Variants in FBXL2 observed in about 807,000 individuals in gnomAD.
FBXL2 encodes the protein F-box/LRR-repeat protein 2.
FBXL2 carries 38 observed loss-of-function variants against 69.2 expected under a neutral mutation model. That is an observed-to-expected ratio of 0.55 (90% CI 0.42 to 0.72). FBXL2 has a LOEUF of 0.72. Among genes scored for constraint, FBXL2 ranks in the 30% least tolerant of loss-of-function variants. FBXL2 has a pLI of 0.00. For synonymous variants in FBXL2, 192 were observed against 201.3 expected (o/e 0.95, Z 0.39); for missense variants, 354 against 520.3 (o/e 0.68, Z 3.11).
intron 10 of FBXL2, 32 bp from the exon 11 acceptor site, chr3:33,377,239 ACC>A: frequency 6.3e-7 from 1 of 1,595,386 alleles, no homozygotes; most frequent in Non-Finnish European, 8.6e-7. Context: ...ACTAGTTGGT[ACC>A]GTTTTCTCCC....
intron 2 of FBXL2, among the ~76,000 whole-genome samples, chr3:33,334,999 G>A (rs1057501333): frequency 6.6e-6 from 1 of 152,010 alleles, no homozygotes; most frequent in African/African-American, 2.4e-5. Context: ...TACCTGGGAG[G>A]CTGAGGCGGG....
chr3:33,381,412 A>C (rs2043049838), intron 13 of FBXL2, among the ~76,000 whole-genome samples: 1 of 152,228 alleles, frequency 6.6e-6, no homozygotes, highest in Non-Finnish European at 1.5e-5. Flanking sequence ...TGGGAGGCCA[A>C]GGCGGGTGGA....
intron 2 of FBXL2, among the ~76,000 whole-genome samples, chr3:33,354,419 C>G (rs1424226876): frequency 6.6e-6 from 1 of 151,588 alleles, no homozygotes; most frequent in Non-Finnish European, 1.5e-5. Flanking sequence ...GAGGCTGAGA[C>G]AGGAGAATTG....
At chr3:33,357,674 T>C (rs1307100348) in intron 2 of FBXL2, among the ~76,000 whole-genome samples, 5 of 151,942 alleles carry the variant, frequency 3.3e-5, no homozygotes, top group African/African-American at 1.2e-4. Flanking sequence ...GGACTACAGG[T>C]GCCCGCCACC....
chr3:33,323,513 T>C (rs377602264), intron 2 of FBXL2, among the ~76,000 whole-genome samples: 2 of 152,248 alleles, frequency 1.3e-5, no homozygotes, highest in African/African-American at 4.8e-5. Context: ...CCTGTGTCCA[T>C]GTGTTCTCAT....
At chr3:33,328,465 A>T (rs936544878) in intron 2 of FBXL2, among the ~76,000 whole-genome samples, 8 of 152,206 alleles carry the variant, frequency 5.3e-5, no homozygotes, top group African/African-American at 1.9e-4. Context: ...GAGCTATAGT[A>T]ACCAAATCTG....
chr3:33,420,488 CTTTTTTTTTT>C, the FBXL2 span, among the ~76,000 whole-genome samples: 2 of 120,634 alleles, frequency 1.7e-5, no homozygotes, highest in African/African-American at 6.4e-5. Context: ...ACCATACTGG[CTTTTTTTTTT>C]TTTTTTTTGG....
chr3:33,311,604 G>A (rs1313803419), intron 2 of FBXL2, among the ~76,000 whole-genome samples: 1 of 151,608 alleles, frequency 6.6e-6, no homozygotes, highest in East Asian at 1.9e-4. Flanking sequence ...AAGTCATTGT[G>A]TTCTTAGCTA....
intron 2 of FBXL2, among the ~76,000 whole-genome samples, chr3:33,336,535 T>A (rs2039591355): frequency 6.6e-6 from 1 of 152,230 alleles, no homozygotes; most frequent in Non-Finnish European, 1.5e-5. Flanking sequence ...AGCAAATATT[T>A]CGTCAACATG....
At chr3:33,415,108 C>T in the FBXL2 span, among the ~76,000 whole-genome samples, 3 of 152,182 alleles carry the variant, frequency 2.0e-5, no homozygotes, top group Non-Finnish European at 2.9e-5. Flanking sequence ...ACCCTGCCAT[C>T]CCAAGTTAAT....
chr3:33,324,889 T>C (rs1471818817), intron 2 of FBXL2, among the ~76,000 whole-genome samples: 1 of 152,224 alleles, frequency 6.6e-6, no homozygotes, highest in African/African-American at 2.4e-5. Flanking sequence ...TAAATTACTG[T>C]GGGCAGTATG....
intron 2 of FBXL2, among the ~76,000 whole-genome samples, chr3:33,337,527 T>C (rs1415912182): frequency 6.6e-6 from 1 of 152,216 alleles, no homozygotes; most frequent in Admixed American, 6.5e-5. Context: ...GAAACTCTTG[T>C]AAATTATTCA....
intron 13 of FBXL2, among the ~76,000 whole-genome samples, chr3:33,380,800 C>G (rs1357834517): frequency 2.6e-5 from 4 of 152,132 alleles, no homozygotes; most frequent in African/African-American, 9.7e-5. Flanking sequence ...ACCTCTGAGT[C>G]AGGAATGTGA....
chr3:33,337,497 C>G (rs1378938880), intron 2 of FBXL2, among the ~76,000 whole-genome samples: 1 of 152,040 alleles, frequency 6.6e-6, no homozygotes, highest in Non-Finnish European at 1.5e-5. Flanking sequence ...ACCAAGTATC[C>G]ATAAAGGTGT....
At chr3:33,404,119 T>C (rs2044347657), downstream of FBXL2, among the ~76,000 whole-genome samples, 1 of 151,800 alleles carries the variant, frequency 6.6e-6, no homozygotes, top group Non-Finnish European at 1.5e-5. Context: ...AACAATAAAA[T>C]AAATATAATG....
intron 2 of FBXL2, among the ~76,000 whole-genome samples, chr3:33,322,064 A>ATTTTTTT (rs34703817): frequency 1.1e-4 from 7 of 62,480 alleles, no homozygotes; most frequent in East Asian, 6.0e-4. Context: ...TGACTAGGTG[A>ATTTTTTT]TTTTTTTTTT....
At chr3:33,421,971 G>A in the FBXL2 span, among the ~76,000 whole-genome samples, 4 of 152,292 alleles carry the variant, frequency 2.6e-5, no homozygotes, top group South Asian at 4.1e-4. Flanking sequence ...TTGAGCCTGG[G>A]TGGCAGAGGT....
At chr3:33,277,361 C>A, upstream of FBXL2, 1 of 778,402 alleles carries the variant, frequency 1.3e-6, no homozygotes. Flanking sequence ...AAGGGCACCG[C>A]CCCTGCGGGT....
intron 5 of FBXL2, among the ~76,000 whole-genome samples, chr3:33,368,744 G>T (rs1236370186): frequency 6.6e-6 from 1 of 151,952 alleles, no homozygotes; most frequent in Admixed American, 6.6e-5. Flanking sequence ...GTGCCACCAC[G>T]CCCAGCTAAT....
Sources: gnomAD v4.1 joint callset for allele counts (sites outside exome capture counted in the v4.1 genomes callset) on GRCh38, gnomAD v4.1.1 for gene constraint, MANE v1.5 for transcripts, NCBI Gene and HGNC (gene_info 2026-07-23, HGNC 2026-07-21) for gene names.